PACSIN2: variants seen among roughly 807,000 people sequenced by gnomAD.
The protein encoded by PACSIN2 is protein kinase C and casein kinase substrate in neurons 2.
Under a neutral mutation model 63.8 loss-of-function variants are expected in PACSIN2, and 25 were observed. That is an observed-to-expected ratio of 0.39 (90% confidence interval 0.29 to 0.55). PACSIN2 has a LOEUF of 0.55. Among genes scored for constraint, PACSIN2 ranks in the 20% least tolerant of loss-of-function variants. The pLI is 0.62. For missense variants in PACSIN2, 518 were observed against 646.9 expected (o/e 0.80, Z 2.16); for synonymous variants, 255 against 256.2 (o/e 1.00, Z 0.05).
intron 7 of PACSIN2, among the ~76,000 whole-genome samples, chr22:42,881,021 C>T (rs555442176): frequency 3.3e-5 from 5 of 152,344 alleles, no homozygotes; most frequent in African/African-American, 4.8e-5. Flanking sequence ...CCAGTCAGGA[C>T]GGCTCTGGCC....
intron 1 of PACSIN2, among the ~76,000 whole-genome samples, chr22:42,929,251 A>G (rs1039132594): frequency 1.3e-5 from 2 of 152,256 alleles, no homozygotes; most frequent in African/African-American, 2.4e-5. Flanking sequence ...AAGCACGTCC[A>G]CATCACATAA....
At chr22:42,969,502 C>T in intron 1 of PACSIN2, among the ~76,000 whole-genome samples, 1 of 152,190 alleles carries the variant, frequency 6.6e-6, no homozygotes, top group East Asian at 1.9e-4. Flanking sequence ...GAACCAAATA[C>T]ATTTAAGATG....
chr22:42,876,103 C>A, intron 10 of PACSIN2, 34 bp downstream of exon 10: 4 of 1,578,134 alleles, frequency 2.5e-6, no homozygotes, highest in Non-Finnish European at 3.5e-6. Flanking sequence ...GGTTGGAAGC[C>A]CTCCTCCCCT....
At chr22:42,890,159 G>C (rs572952668) in intron 4 of PACSIN2, among the ~76,000 whole-genome samples, 1 of 151,896 alleles carries the variant, frequency 6.6e-6, no homozygotes, top group African/African-American at 2.4e-5. Flanking sequence ...CCGCCACCAC[G>C]CCCTGCTAAT....
At chr22:43,007,458 C>T (rs933278098) in intron 1 of PACSIN2, among the ~76,000 whole-genome samples, 7 of 152,076 alleles carry the variant, frequency 4.6e-5, no homozygotes, top group Non-Finnish European at 7.4e-5. Flanking sequence ...TCAAGTGATC[C>T]GCCCACCTCA....
At chr22:42,879,934 G>A (rs972327649) in intron 7 of PACSIN2, among the ~76,000 whole-genome samples, 15 of 152,124 alleles carry the variant, frequency 9.9e-5, no homozygotes, top group Middle Eastern at 3.2e-3. Context: ...AGCAGAGTAC[G>A]CTCCTCCTGG....
chr22:42,983,698 G>A (rs1434053876), intron 1 of PACSIN2, among the ~76,000 whole-genome samples: 1 of 152,182 alleles, frequency 6.6e-6, no homozygotes, highest in African/African-American at 2.4e-5. Context: ...CTGGGCTTAA[G>A]CCATCCTCCC....
intron 7 of PACSIN2, 82 bp from the exon 8 acceptor site, chr22:42,879,251 G>C (rs73886164): frequency 6.8e-7 from 1 of 1,477,166 alleles, no homozygotes; most frequent in South Asian, 1.3e-5. Context: ...CCTGCCCAGC[G>C]AGCCTGCAGT....
chr22:42,975,593 T>A (rs972809193), intron 1 of PACSIN2, among the ~76,000 whole-genome samples: 24 of 145,124 alleles, frequency 1.7e-4, no homozygotes, highest in Non-Finnish European at 2.5e-4. Context: ...TATTTACAGA[T>A]ACATGTGTAT....
intron 1 of PACSIN2, among the ~76,000 whole-genome samples, chr22:42,971,993 C>A (rs1008856805): frequency 6.6e-5 from 10 of 152,148 alleles, no homozygotes; most frequent in African/African-American, 2.2e-4. Flanking sequence ...CCGGCCGCCA[C>A]CCCGTCTGGG....
chr22:42,944,805 G>A (rs1051067568), intron 1 of PACSIN2, among the ~76,000 whole-genome samples: 14 of 152,140 alleles, frequency 9.2e-5, no homozygotes, highest in Non-Finnish European at 1.6e-4. Context: ...AACTTATAAG[G>A]TGAGGACTGT....
chr22:42,978,321 TACCACC>T (rs1367420356), intron 1 of PACSIN2, among the ~76,000 whole-genome samples: 7 of 152,204 alleles, frequency 4.6e-5, no homozygotes, highest in African/African-American at 1.7e-4. Flanking sequence ...AACAGTTGAT[TACCACC>T]TAGCTGTTTA....
At chr22:42,969,892 G>C (rs923091138) in intron 1 of PACSIN2, among the ~76,000 whole-genome samples, 6 of 147,984 alleles carry the variant, frequency 4.1e-5, no homozygotes, top group Non-Finnish European at 8.9e-5. Flanking sequence ...GACAGGGTGA[G>C]ATGCTGGCCC....
At chr22:43,011,446 T>C (rs1028210413) in intron 1 of PACSIN2, among the ~76,000 whole-genome samples, 1 of 152,184 alleles carries the variant, frequency 6.6e-6, no homozygotes, top group Non-Finnish European at 1.5e-5. Context: ...ATCTGGTAAA[T>C]GCCACTGCGA....
rs1396913398 is a variant in PACSIN2, at chr22:42,884,468, G to A, written c.703C>T (p.Gln235Ter). Reference protein sequence around the residue: ...NMEQVFEQCQQFEEKRLRFFR... With the variant: ...NMEQVFEQCQ ...AAGCGAAGGCGTTTCTCCTCGAACT[G>A]CTGGCACTGCTCAAACACCTGCTCC... Residue 235 changes from glutamine to a stop codon, truncating the protein, a stop_gained, in exon 6 of 11, where the codon CAG becomes TAG. Coordinates refer to ENST00000263246, the MANE Select transcript of PACSIN2 (RefSeq NM_001184970.3). LOFTEE classifies it high-confidence loss of function. The A allele has an allele frequency of 1.2e-6, 2 of 1,614,192 alleles. No individual in the cohort carries two copies. Among genetic ancestry groups the A allele is most frequent in the Non-Finnish European group, 1.7e-6 (2 of 1,180,002 alleles).
At chr22:42,888,510 C>T in intron 5 of PACSIN2, 133 bp downstream of exon 5, 1 of 838,844 alleles carries the variant, frequency 1.2e-6, no homozygotes, top group East Asian at 2.6e-5. Context: ...TTCTTGAGGA[C>T]AGGGGTGTGT....
At chr22:43,004,993 G>A (rs1003634962) in intron 1 of PACSIN2, among the ~76,000 whole-genome samples, 22 of 152,344 alleles carry the variant, frequency 1.4e-4, no homozygotes, top group African/African-American at 4.8e-4. Context: ...AAATGCAAAT[G>A]CCTAGACAAC....
At chr22:42,983,328 A>G (rs1036904238) in intron 1 of PACSIN2, among the ~76,000 whole-genome samples, 2 of 150,546 alleles carry the variant, frequency 1.3e-5, no homozygotes, top group South Asian at 2.1e-4. Flanking sequence ...AAAAAAAAAA[A>G]AAAAAAAAGA....
chr22:42,952,069 G>C (rs1933718265), intron 1 of PACSIN2, among the ~76,000 whole-genome samples: 1 of 152,140 alleles, frequency 6.6e-6, no homozygotes, highest in Non-Finnish European at 1.5e-5. Flanking sequence ...CCCTAACTCT[G>C]TTTTATTTTC....
Sources: allele counts gnomAD v4.1 joint callset (sites outside exome capture counted in the v4.1 genomes callset), GRCh38; gene constraint gnomAD v4.1.1; transcripts MANE v1.5; gene names NCBI Gene and HGNC (gene_info 2026-07-23, HGNC 2026-07-21).